Variants in USP6NL observed in about 807,000 individuals in gnomAD.
USP6NL encodes the protein USP6 N-terminal-like protein.
Under a neutral mutation model 61.9 loss-of-function variants are expected in USP6NL, and 26 were observed. The ratio of observed to expected loss-of-function variants is 0.42; its 90% CI spans 0.31 to 0.58. USP6NL has a LOEUF of 0.58. Among genes scored for constraint, USP6NL ranks in the 20% least tolerant of loss-of-function variants. USP6NL has a pLI of 0.16. For synonymous variants in USP6NL, 432 were observed against 390.1 expected (o/e 1.11, Z -1.27); for missense variants, 1,114 against 1,034.3 (o/e 1.08, Z -1.06).
rs975543438 is a variant in USP6NL at position 11,511,851 on chromosome 10, C to A, written c.196-2176G>T. ...TATACACACACACACACACACACAC[C>A]CCTTGGGAAGCTATAGGATCCGAAA... is the stretch of plus-strand genomic sequence containing the variant. On this transcript the variant is annotated intron_variant, in intron 5 of 14. Coordinates refer to ENST00000609104, the MANE Select transcript of USP6NL (RefSeq NM_014688.5). The surrounding 1 kb of genome is among the most constrained non-coding windows in gnomAD (Gnocchi z 4.9). Among the ~76,000 whole-genome samples, 1 of 149,498 alleles carries A rather than the reference C, an allele frequency of 6.7e-6. No homozygotes were observed. Among genetic ancestry groups the A allele is most frequent in the African/African-American group, 2.5e-5 (1 of 40,644 alleles).
At chr10:11,501,707 G>C (rs1412030788) in intron 6 of USP6NL, among the ~76,000 whole-genome samples, 1 of 152,138 alleles carries the variant, frequency 6.6e-6, no homozygotes, top group Non-Finnish European at 1.5e-5. Context: ...TCTCTCAGAA[G>C]ATACCAAGCT....
chr10:11,587,803 C>T lies in USP6NL; in HGVS notation c.4+9828G>A, dbSNP rs555697156. 4.2e-4 allele frequency among the ~76,000 whole-genome samples: 64 copies of T among 152,276 alleles called. 1 individual carries two copies. The South Asian group carries it at 0.011, about 26-fold the overall frequency. On this transcript the variant is annotated intron_variant, in intron 2 of 14. Transcript: ENST00000609104. This position sits in a 1 kb window ranked among gnomAD's most constrained non-coding sequence, Gnocchi z 4.5. Reference sequence around the variant, plus strand: ...AGCCAAAAGCCGTCTCATTTCAACGCCATCTCATATTCTAGAAAATATTTC... The same window carrying T: ...AGCCAAAAGCCGTCTCATTTCAACGTCATCTCATATTCTAGAAAATATTTC...
chr10:11,591,440 ATAG>A lies in USP6NL; in HGVS notation c.4+6188_4+6190del, dbSNP rs1838156016. On this transcript the variant is annotated intron_variant, in intron 2 of 14. Transcript: ENST00000609104. This position sits in a 1 kb window ranked among gnomAD's most constrained non-coding sequence, Gnocchi z 4.7. ...ATAGCTTTTGAAGAATAAAAATATA[ATAG>A]TAGGTATATAATTTGAAATTTTAAG... 6.6e-6 allele frequency among the ~76,000 whole-genome samples: 1 copy of A among 152,180 alleles called. No individual in the cohort carries two copies. Among genetic ancestry groups the A allele is most frequent in the African/African-American group, 2.4e-5 (1 of 41,458 alleles).
chr10:11,557,603 G>C (rs1338701674), intron 2 of USP6NL, among the ~76,000 whole-genome samples: 9 of 152,218 alleles, frequency 5.9e-5, no homozygotes, highest in Admixed American at 5.9e-4. Context: ...AAATGGAAGA[G>C]AATGAATTGG....
chr10:11,567,462 A>T (rs886074082), intron 2 of USP6NL, among the ~76,000 whole-genome samples: 6 of 152,252 alleles, frequency 3.9e-5, no homozygotes, highest in African/African-American at 7.2e-5. Flanking sequence ...CAAAACTTTT[A>T]TTAACTAACT....
At chr10:11,577,222 G>A (rs551408770) in intron 2 of USP6NL, among the ~76,000 whole-genome samples, 38 of 151,388 alleles carry the variant, frequency 2.5e-4, no homozygotes, top group Non-Finnish European at 4.0e-4. Flanking sequence ...CAGGCCAGAT[G>A]CCAGGCTAAT....
At chr10:11,522,970 T>C (rs1050756254) in intron 4 of USP6NL, among the ~76,000 whole-genome samples, 4 of 152,174 alleles carry the variant, frequency 2.6e-5, no homozygotes, top group Non-Finnish European at 4.4e-5. Context: ...TGTGCTTCGG[T>C]TTCATCGCCT....
chr10:11,555,451 T>TATATATATATAGAGAGAGAGAG (rs1427219382), intron 2 of USP6NL, among the ~76,000 whole-genome samples: 1 of 61,016 alleles, frequency 1.6e-5, no homozygotes, highest in Admixed American at 2.4e-4. Flanking sequence ...TATATATATA[T>TATATATATATAGAGAGAGAGAG]AGAGAGAGAG....
In USP6NL at chr10:11,574,532, A is replaced by G. The variant is rs1469078395; in HGVS notation, c.4+23099T>C. Among the ~76,000 whole-genome samples the G allele has an allele frequency of 1.3e-5, 2 of 152,224 alleles. No homozygotes were observed. The highest frequency in any genetic ancestry group is 2.9e-5 in the Non-Finnish European group (2 of 68,030). On this transcript the variant is annotated intron_variant, in intron 2 of 14. Transcript: ENST00000609104. The surrounding 1 kb of genome is among the most constrained non-coding windows in gnomAD (Gnocchi z 4.3). ...AATATATTTGTTATATGTTCTATTTATCCCATAGCAGCCCTTCTCAAAGTA... is the reference window on the plus strand; with the variant it reads ...AATATATTTGTTATATGTTCTATTTGTCCCATAGCAGCCCTTCTCAAAGTA...
chr10:11,525,661 T>C lies in USP6NL; in HGVS notation c.73-193A>G, dbSNP rs1835384994. ...CTATTTTTGGCAAGATAAACACTATTTCCTAGTTATGACTCTGGAAGATGC... is the reference window on the plus strand; with the variant it reads ...CTATTTTTGGCAAGATAAACACTATCTCCTAGTTATGACTCTGGAAGATGC... On this transcript the variant is annotated intron_variant, in intron 3 of 14. Transcript: ENST00000609104. The surrounding 1 kb of genome is among the most constrained non-coding windows in gnomAD (Gnocchi z 5.0). 6.6e-6 allele frequency among the ~76,000 whole-genome samples: 1 copy of C among 152,196 alleles called. No individual in the cohort carries two copies. The highest frequency in any genetic ancestry group is 2.1e-4 in the South Asian group (1 of 4,830).
chr10:11,507,010 A>C (rs1372022853), intron 6 of USP6NL, among the ~76,000 whole-genome samples: 1 of 152,246 alleles, frequency 6.6e-6, no homozygotes, highest in Non-Finnish European at 1.5e-5. Flanking sequence ...ATATATCATC[A>C]AATGATTCTA....
Position 11,602,721 on chromosome 10 carries a change from T to C in USP6NL, c.-83-5004A>G, listed in dbSNP as rs1013404944. 6.6e-6 allele frequency among the ~76,000 whole-genome samples: 1 copy of C among 152,250 alleles called. No individual in the cohort carries two copies. The highest frequency in any genetic ancestry group is 2.4e-5 in the African/African-American group (1 of 41,470). On this transcript the variant is annotated intron_variant, in intron 1 of 14. Coordinates refer to ENST00000609104, the MANE Select transcript of USP6NL (RefSeq NM_014688.5). This position sits in a 1 kb window ranked among gnomAD's most constrained non-coding sequence, Gnocchi z 4.8. ...AAAGGAAACGCTCATTAGGGCACTT[T>C]GGATTTCATTTTTGGGATGCTCAAC...
chr10:11,565,189 TTTTTC>T (rs1418092617), intron 2 of USP6NL: 2 of 152,254 alleles, frequency 1.3e-5, no homozygotes, highest in Non-Finnish European at 2.9e-5. Flanking sequence ...TAAGTGATAC[TTTTTC>T]TTTTAACACT....
At position 11,464,868 on chromosome 10, in the gene USP6NL, G is replaced by A. The variant is rs534338964; in HGVS notation, c.1079-1019C>T. ...AAAGTTTTCTTTGTTTTATGAATGT[G>A]TATGTGAAATAACCTTGAAATGCCA... On this transcript the variant is annotated intron_variant, in intron 14 of 14. Coordinates refer to ENST00000609104, the MANE Select transcript of USP6NL (RefSeq NM_014688.5). Among the ~76,000 whole-genome samples the A allele has an allele frequency of 3.3e-4, 51 of 152,300 alleles. 1 individual carries two copies. The South Asian group carries it at 0.01, about 30-fold the overall frequency.
intron 2 of USP6NL, among the ~76,000 whole-genome samples, chr10:11,533,879 G>A (rs1414468388): frequency 6.6e-6 from 1 of 152,142 alleles, no homozygotes. Context: ...AACAGCAACA[G>A]GAAGAACTGA....
rs1214756488 is a variant in USP6NL, at chr10:11,587,330, C to G, written c.4+10301G>C. On this transcript the variant is annotated intron_variant, in intron 2 of 14. Coordinates refer to ENST00000609104, the MANE Select transcript of USP6NL (RefSeq NM_014688.5). The surrounding 1 kb of genome is among the most constrained non-coding windows in gnomAD (Gnocchi z 4.5). The stretch of plus-strand genomic sequence containing the variant: ...AATTAATTTATAGTATCATGTGTCT[C>G]AAAGTTGTCTAACTTTGAATTTGAA... Among the ~76,000 whole-genome samples, 1 of 152,182 alleles carries G rather than the reference C, an allele frequency of 6.6e-6. No homozygotes were observed. Among genetic ancestry groups the G allele is most frequent in the African/African-American group, 2.4e-5 (1 of 41,446 alleles).
intron 2 of USP6NL, among the ~76,000 whole-genome samples, 179 bp from the exon 3 acceptor site, chr10:11,527,746 T>G (rs1835478364): frequency 6.6e-6 from 1 of 152,178 alleles, no homozygotes; most frequent in Non-Finnish European, 1.5e-5. Flanking sequence ...TAGCAATACA[T>G]GTAATATTCA....
At chr10:11,522,897 C>T (rs1031455273) in intron 4 of USP6NL, among the ~76,000 whole-genome samples, 7 of 152,316 alleles carry the variant, frequency 4.6e-5, no homozygotes, top group Middle Eastern at 3.4e-3. Context: ...GGAAGACTGC[C>T]AAGGTCCACA....
intron 6 of USP6NL, among the ~76,000 whole-genome samples, chr10:11,503,267 A>C (rs1834288799): frequency 6.6e-6 from 1 of 152,232 alleles, no homozygotes; most frequent in Non-Finnish European, 1.5e-5. Flanking sequence ...TGACATTTTT[A>C]ATGAGTAACA....
Sources: gnomAD v4.1 joint callset for allele counts (sites outside exome capture counted in the v4.1 genomes callset) on GRCh38, gnomAD v4.1.1 for gene constraint, Gnocchi (gnomAD v3.1) non-coding constraint, MANE v1.5 for transcripts, NCBI Gene and HGNC (gene_info 2026-07-23, HGNC 2026-07-21) for gene names.